GPHN: variants seen among roughly 807,000 people sequenced by gnomAD.
GPHN encodes the protein gephyrin.
In GPHN, 17 loss-of-function variants were observed where a neutral mutation model predicts 95.5. The ratio of observed to expected loss-of-function variants is 0.18; its 90% CI spans 0.12 to 0.27. GPHN has a LOEUF of 0.27. Among genes scored for constraint, GPHN ranks in the 10% least tolerant of loss-of-function variants. The pLI is 1.00. For missense variants in GPHN, 660 were observed against 978.1 expected, an observed-to-expected ratio of 0.67 and a Z score of 4.34; for synonymous variants, 320 against 322.5, an observed-to-expected ratio of 0.99 and a Z score of 0.08.
chr14:66,870,817 A>T (rs1055120544), intron 4 of GPHN, among the ~76,000 whole-genome samples: 4 of 152,170 alleles, frequency 2.6e-5, no homozygotes, highest in Non-Finnish European at 5.9e-5. Flanking sequence ...TTGAAAGGAA[A>T]TTTCTCCTGT....
intron 5 of GPHN, among the ~76,000 whole-genome samples, chr14:66,891,939 C>A (rs1284419183): frequency 6.6e-6 from 1 of 151,954 alleles, no homozygotes; most frequent in Non-Finnish European, 1.5e-5. Flanking sequence ...AACTTCACAC[C>A]CATTACGTTG....
At chr14:66,787,860 A>G (rs867799683) in intron 3 of GPHN, among the ~76,000 whole-genome samples, 1 of 148,170 alleles carries the variant, frequency 6.7e-6, no homozygotes, top group South Asian at 2.1e-4. Context: ...AAAAAGTATT[A>G]TATATATATA....
the GPHN span, chr14:67,584,062 C>T: frequency 1.5e-5 from 25 of 1,613,858 alleles, no homozygotes; most frequent in East Asian, 6.7e-5. Context: ...TGAGTGCATC[C>T]GCATCTACCT....
chr14:67,645,177 CTT>C, the GPHN span, among the ~76,000 whole-genome samples: 2 of 143,512 alleles, frequency 1.4e-5, no homozygotes, highest in Non-Finnish European at 1.5e-5. Context: ...ACCTAGATTT[CTT>C]TTTTTTTTTT....
intron 11 of GPHN, among the ~76,000 whole-genome samples, chr14:67,079,705 C>T (rs573169199): frequency 9.2e-5 from 14 of 152,160 alleles, no homozygotes; most frequent in African/African-American, 2.6e-4. Context: ...GACAGATCTT[C>T]AGAATTGTTT....
At chr14:67,475,530 T>A in the GPHN span, among the ~76,000 whole-genome samples, 1 of 152,212 alleles carries the variant, frequency 6.6e-6, no homozygotes, top group Non-Finnish European at 1.5e-5. Flanking sequence ...GGTTCCAATT[T>A]CTCCACATCC....
At chr14:67,176,686 G>T (rs149735383) in intron 21 of GPHN, among the ~76,000 whole-genome samples, 82 of 152,230 alleles carry the variant, frequency 5.4e-4, no homozygotes, top group African/African-American at 1.7e-3. Flanking sequence ...ATAGAATTCG[G>T]CTGTGAGTCC....
At chr14:67,145,515 T>A (rs2080849462) in intron 18 of GPHN, among the ~76,000 whole-genome samples, 1 of 152,188 alleles carries the variant, frequency 6.6e-6, no homozygotes, top group African/African-American at 2.4e-5. Context: ...AGGAAAGAAA[T>A]TTTAGAAACT....
At chr14:66,950,906 TTTTG>T (rs948587662) in intron 8 of GPHN, among the ~76,000 whole-genome samples, 3 of 151,918 alleles carry the variant, frequency 2.0e-5, no homozygotes, top group African/African-American at 4.8e-5. Context: ...ATCCTAAGGT[TTTTG>T]TTTGTTTGTT....
chr14:66,539,120 T>C (rs1251362059), intron 1 of GPHN, among the ~76,000 whole-genome samples: 1 of 152,164 alleles, frequency 6.6e-6, no homozygotes, highest in African/African-American at 2.4e-5. Context: ...TTCTGTTCTT[T>C]AGAGGTTTTG....
intron 1 of GPHN, among the ~76,000 whole-genome samples, chr14:66,664,791 G>T (rs1198873144): frequency 6.6e-6 from 1 of 151,406 alleles, no homozygotes; most frequent in African/African-American, 2.4e-5. Context: ...TGGATATTAC[G>T]ATTGTCCCCA....
chr14:67,153,479 G>T lies in GPHN; in HGVS notation c.1837-5936G>T, dbSNP rs574415051. On this transcript the variant is annotated intron_variant, in intron 18 of 22. Coordinates refer to ENST00000478722, the MANE Select transcript of GPHN (RefSeq NM_020806.5). ...AACTCTCTGGCCTCTTCTTATAATG[G>T]CACTAATTCTACTCATGAGAACTCC... 5.3e-5 allele frequency among the ~76,000 whole-genome samples: 8 copies of T among 152,156 alleles called. No individual in the cohort carries two copies. In the South Asian group the frequency reaches 1.2e-3, roughly 24 times the overall value.
At chr14:66,853,729 A>C (rs1438620014) in intron 4 of GPHN, among the ~76,000 whole-genome samples, 1 of 152,202 alleles carries the variant, frequency 6.6e-6, no homozygotes, top group Non-Finnish European at 1.5e-5. Flanking sequence ...GCACAGCCAA[A>C]CCATATCATA....
intron 2 of GPHN, among the ~76,000 whole-genome samples, chr14:66,707,020 A>G (rs2069137175): frequency 1.3e-5 from 2 of 151,666 alleles, no homozygotes; most frequent in South Asian, 4.2e-4. Context: ...ACACTTCTCA[A>G]AAGAAGACAT....
intron 1 of GPHN, among the ~76,000 whole-genome samples, chr14:66,632,290 C>T (rs2063849145): frequency 6.6e-6 from 1 of 152,088 alleles, no homozygotes; most frequent in Admixed American, 6.6e-5. Context: ...TTGTTTTTGA[C>T]ACCTTTCTTC....
intron 1 of GPHN, among the ~76,000 whole-genome samples, chr14:66,662,749 A>T (rs1309867992): frequency 6.6e-6 from 1 of 152,240 alleles, no homozygotes; most frequent in African/African-American, 2.4e-5. Context: ...AGCAACTGAC[A>T]AGGTAAAATA....
chr14:67,057,401 G>C (rs1369516347), intron 10 of GPHN, among the ~76,000 whole-genome samples: 1 of 131,356 alleles, frequency 7.6e-6, no homozygotes, highest in Non-Finnish European at 1.5e-5. Context: ...AGAACACATG[G>C]GCACATGGGT....
intron 16 of GPHN, among the ~76,000 whole-genome samples, chr14:67,118,062 A>G (rs1365405764): frequency 1.3e-5 from 2 of 152,216 alleles, no homozygotes; most frequent in Non-Finnish European, 2.9e-5. Context: ...CACCTTGACA[A>G]TGTTGGGGAG....
chr14:67,583,595 A>T, the GPHN span: 1 of 564,522 alleles, frequency 1.8e-6, no homozygotes, highest in Non-Finnish European at 3.0e-6. Flanking sequence ...ACTTGAGATG[A>T]AGCGTTTTTC....
Sources: allele counts gnomAD v4.1 joint callset (sites outside exome capture counted in the v4.1 genomes callset), GRCh38; gene constraint gnomAD v4.1.1; transcripts MANE v1.5; gene names NCBI Gene and HGNC (gene_info 2026-07-23, HGNC 2026-07-21).